PRTG: variants seen among roughly 807,000 people sequenced by gnomAD.
PRTG encodes protogenin, also known as immunoglobulin superfamily, DCC subclass, member 5.
PRTG carries 67 observed loss-of-function variants against 122.5 expected under a neutral mutation model. The observed-to-expected ratio is 0.55, with a 90% CI of 0.45 to 0.67. The LOEUF (loss-of-function observed/expected upper bound fraction) is 0.67, where lower values mean the gene tolerates loss of function less well. PRTG is among the 30% of genes least tolerant of loss of function. The pLI is 0.00. For synonymous variants in PRTG, 554 were observed against 501.1 expected, an observed-to-expected ratio of 1.11 and a Z score of -1.41; for missense variants, 1,435 against 1,415.4, an observed-to-expected ratio of 1.01 and a Z score of -0.22.
At chr15:55,718,822 A>C (rs2030702655) in intron 2 of PRTG, among the ~76,000 whole-genome samples, 1 of 151,924 alleles carries the variant, frequency 6.6e-6, no homozygotes, top group African/African-American at 2.4e-5. Flanking sequence ...GGCTCACTGC[A>C]ACCTCCACCT....
chr15:55,720,299 G>A (rs1337677009), intron 2 of PRTG, among the ~76,000 whole-genome samples: 1 of 152,036 alleles, frequency 6.6e-6, no homozygotes, highest in East Asian at 1.9e-4. Context: ...AGAAGTTGCA[G>A]TGAGTTGAGA....
chr15:55,662,385 A>T (rs8027291), intron 11 of PRTG, among the ~76,000 whole-genome samples: 3,675 of 151,714 alleles, frequency 0.024, 141 homozygotes, highest in African/African-American at 0.077. Context: ...ACTGGGTTAC[A>T]AAAAAAAAGT....
At position 55,675,597 on chromosome 15, in the gene PRTG, T is replaced by C. The variant is rs1392026339; in HGVS notation, c.1468A>G (p.Thr490Ala). 6.2e-7 allele frequency: 1 copy of C among 1,610,284 alleles called. No individual in the cohort carries two copies. Among genetic ancestry groups the C allele is most frequent in the East Asian group, 2.2e-5 (1 of 44,842 alleles). Residue 490 changes from threonine to alanine, a missense_variant, in exon 9 of 20, where the codon ACT becomes GCT. Coordinates refer to ENST00000389286, the MANE Select transcript of PRTG (RefSeq NM_173814.6). Reference protein sequence around the residue: ...IDDLEPASNYTFYIVAYMPMG... With the variant: ...IDDLEPASNYAFYIVAYMPMG... ...GGCATATATGCTACAATGTAGAAAG[T>C]ATAATTGCTGGCAGGCTCTAAGTCA...
In PRTG at chr15:55,639,789, T is replaced by C; in HGVS notation, c.2177A>G (p.His726Arg). The change falls in exon 13 of 20, where the codon CAC becomes CGC. Residue 726 changes from histidine (H) to arginine (R), a missense_variant. Transcript: ENST00000389286. ...GGTGTTAGCCTTCGCATAGAGATGG[T>C]GGGGTGGTGGTGGAGGAGGGACCAT... ...DRMVPPPPPP[H>R]HLYAKANTSS... 1.9e-6 allele frequency: 3 copies of C among 1,614,066 alleles called. No individual in the cohort carries two copies. The highest frequency in any genetic ancestry group is 2.5e-6 in the Non-Finnish European group (3 of 1,179,996).
chr15:55,729,587 G>GA (rs560992043), intron 2 of PRTG, among the ~76,000 whole-genome samples: 3 of 150,596 alleles, frequency 2.0e-5, no homozygotes, highest in East Asian at 1.9e-4. Context: ...ATTCTGCGGG[G>GA]AAAAAAAATA....
chr15:55,665,885 A>G (rs978504894), intron 11 of PRTG, among the ~76,000 whole-genome samples: 4 of 152,170 alleles, frequency 2.6e-5, no homozygotes, highest in African/African-American at 9.7e-5. Flanking sequence ...TTTAAAGAAT[A>G]CTATTTTGTG....
At chr15:55,739,901 A>G (rs12442771) in intron 2 of PRTG, among the ~76,000 whole-genome samples, 76,097 of 152,076 alleles carry the variant, frequency 0.5, 20,163 homozygotes, top group Non-Finnish European at 0.61. Context: ...ATGCCCTCTC[A>G]TACAATTAAA....
intron 9 of PRTG, among the ~76,000 whole-genome samples, chr15:55,674,666 A>AC (rs1353643642): frequency 2.1e-4 from 32 of 152,308 alleles, no homozygotes; most frequent in Non-Finnish European, 1.3e-4. Context: ...GTGGCATGAT[A>AC]AAGATATAAT....
intron 11 of PRTG, among the ~76,000 whole-genome samples, chr15:55,649,308 G>A (rs2059340986): frequency 6.6e-6 from 1 of 152,072 alleles, no homozygotes; most frequent in Non-Finnish European, 1.5e-5. Flanking sequence ...TCATTACTAT[G>A]AAACTTGGAG....
At chr15:55,652,319 G>T (rs572531) in intron 11 of PRTG, among the ~76,000 whole-genome samples, 1 of 152,008 alleles carries the variant, frequency 6.6e-6, no homozygotes, top group Non-Finnish European at 1.5e-5. Flanking sequence ...ATCAGAATAA[G>T]TAGGTAGGAA....
chr15:55,698,681 G>C (rs927900908), intron 2 of PRTG, among the ~76,000 whole-genome samples: 1 of 152,112 alleles, frequency 6.6e-6, no homozygotes. Context: ...GGAGGCTCCT[G>C]GGAATGGATT....
At chr15:55,660,690 T>C (rs1007857877) in intron 11 of PRTG, among the ~76,000 whole-genome samples, 4 of 152,288 alleles carry the variant, frequency 2.6e-5, no homozygotes, top group African/African-American at 9.6e-5. Flanking sequence ...CCTAGATGCA[T>C]CTTCCTAAGA....
chr15:55,741,212 C>T (rs1253574468), intron 1 of PRTG, among the ~76,000 whole-genome samples: 2 of 152,200 alleles, frequency 1.3e-5, no homozygotes, highest in African/African-American at 4.8e-5. Flanking sequence ...TCTATCTGCC[C>T]TTTTACAGCA....
chr15:55,644,151 T>C lies in PRTG; in HGVS notation c.2042-2943A>G, dbSNP rs527513225. 7.9e-5 allele frequency among the ~76,000 whole-genome samples: 12 copies of C among 152,310 alleles called. No homozygotes were observed. The South Asian group carries it at 2.5e-3, about 32-fold the overall frequency. ...AGCACGCCCAGCTGAAAAATACTTC[T>C]TCATTCTGTCTCTACTTAATTAGAA... On this transcript the variant is annotated intron_variant, in intron 11 of 19. Coordinates refer to ENST00000389286, the MANE Select transcript of PRTG (RefSeq NM_173814.6).
At chr15:55,635,454 A>G (rs1312705610) in intron 15 of PRTG, among the ~76,000 whole-genome samples, 1 of 152,208 alleles carries the variant, frequency 6.6e-6, no homozygotes, top group Non-Finnish European at 1.5e-5. Context: ...CAGCCTCGTG[A>G]GAGACCAACA....
At chr15:55,741,229 C>T (rs1437427563) in intron 1 of PRTG, among the ~76,000 whole-genome samples, 1 of 152,232 alleles carries the variant, frequency 6.6e-6, no homozygotes, top group Admixed American at 6.5e-5. Flanking sequence ...AGCAGGGACT[C>T]TATCTCCTCT....
intron 18 of PRTG, 142 bp from the exon 19 acceptor site, chr15:55,620,909 A>G: frequency 1.3e-6 from 1 of 749,448 alleles, no homozygotes; most frequent in East Asian, 2.9e-5. Flanking sequence ...CAGGGAGTAC[A>G]TGTGCATGTT....
chr15:55,655,189 A>G (rs1478742529), intron 11 of PRTG: 1 of 152,240 alleles, frequency 6.6e-6, no homozygotes, highest in Non-Finnish European at 1.5e-5. Flanking sequence ...GTTAGCAAAT[A>G]AAAGAATTCT....
chr15:55,638,128 A>T (rs1439035469), intron 14 of PRTG, among the ~76,000 whole-genome samples: 1 of 152,240 alleles, frequency 6.6e-6, no homozygotes, highest in African/African-American at 2.4e-5. Context: ...AAGCTACAGA[A>T]TTGGTGCTCA....
Sources: allele counts gnomAD v4.1 joint callset (sites outside exome capture counted in the v4.1 genomes callset), GRCh38; gene constraint gnomAD v4.1.1; transcripts MANE v1.5; gene names NCBI Gene and HGNC (gene_info 2026-07-23, HGNC 2026-07-21).